Variants in MOXD1 observed in about 807,000 individuals in gnomAD.
The protein encoded by MOXD1 is DBH-like monooxygenase protein 1.
In MOXD1, 62 loss-of-function variants were observed where a neutral mutation model predicts 66.6. The observed-to-expected ratio is 0.93, with a 90% confidence interval of 0.76 to 1.15. The LOEUF (loss-of-function observed/expected upper bound fraction) is 1.15. Ranked by LOEUF, MOXD1 falls within the 50% of genes most tolerant of loss-of-function variation. MOXD1 has a pLI of 0.00. For synonymous variants in MOXD1, 303 were observed against 281.9 expected (o/e 1.07, Z -0.75); for missense variants, 847 against 754.6 (o/e 1.12, Z -1.44).
intron 4 of MOXD1, among the ~76,000 whole-genome samples, chr6:132,339,102 T>C (rs1054771897): frequency 6.6e-6 from 1 of 152,222 alleles, no homozygotes; most frequent in Admixed American, 6.5e-5. Flanking sequence ...TATGTAATCA[T>C]GAAATATATA....
intron 1 of MOXD1, among the ~76,000 whole-genome samples, chr6:132,384,751 A>G (rs919458102): frequency 2.0e-5 from 3 of 152,216 alleles, no homozygotes; most frequent in Non-Finnish European, 2.9e-5. Flanking sequence ...AATAAAAGCC[A>G]GTGGGACTGA....
rs1394434271 is a variant in MOXD1, at chr6:132,320,619, G to T, written c.1365+10C>A. 7 of 1,592,858 alleles carry T rather than the reference G, an allele frequency of 4.4e-6. No individual in the cohort carries two copies. Among genetic ancestry groups the T allele is most frequent in the African/African-American group, 4.1e-5 (3 of 73,928 alleles). On this transcript the variant is annotated intron_variant, in intron 9 of 11. Transcript: ENST00000367963. The stretch of plus-strand genomic sequence containing the variant: ...TAAATGAACTTTAATAATAATAAAA[G>T]TTTTCTTACCCAAGTCATCTCAGCT...
intron 7 of MOXD1, among the ~76,000 whole-genome samples, chr6:132,323,664 A>G (rs1014718582): frequency 4.6e-5 from 7 of 152,180 alleles, no homozygotes; most frequent in Non-Finnish European, 8.8e-5. Context: ...GTAAAAGATG[A>G]TATACAGCAT....
chr6:132,349,381 GTATATATATA>G (rs1288528684), intron 4 of MOXD1, among the ~76,000 whole-genome samples: 1 of 80,552 alleles, frequency 1.2e-5, no homozygotes, highest in Non-Finnish European at 2.4e-5. Context: ...ATATATACAT[GTATATATATA>G]TACACATATA....
intron 8 of MOXD1, among the ~76,000 whole-genome samples, chr6:132,320,975 C>A (rs1373408649): frequency 6.6e-6 from 1 of 152,088 alleles, no homozygotes; most frequent in Non-Finnish European, 1.5e-5. Context: ...AAAAATTGTT[C>A]TTATTTTTGG....
chr6:132,344,512 T>C (rs1775630899), intron 4 of MOXD1, among the ~76,000 whole-genome samples: 1 of 152,126 alleles, frequency 6.6e-6, no homozygotes, highest in African/African-American at 2.4e-5. Flanking sequence ...CTAAAGACAA[T>C]TTAAAGCCTG....
At chr6:132,399,913 A>G (rs763027593) in intron 1 of MOXD1, among the ~76,000 whole-genome samples, 2 of 152,246 alleles carry the variant, frequency 1.3e-5, no homozygotes, top group East Asian at 1.9e-4. Context: ...GAGATGCTGC[A>G]GGAGGAGAAT....
intron 5 of MOXD1, 23 bp downstream of exon 5, chr6:132,328,392 A>C (rs759793102): frequency 1.2e-6 from 2 of 1,611,772 alleles, no homozygotes; most frequent in South Asian, 2.2e-5. Flanking sequence ...ATTGTGTTAC[A>C]TCTCAGTAAT....
chr6:132,298,517 A>C (rs1252540248), intron 10 of MOXD1, among the ~76,000 whole-genome samples: 1 of 152,304 alleles, frequency 6.6e-6, no homozygotes, highest in South Asian at 2.1e-4. Flanking sequence ...CCCATACACT[A>C]TAAAAGCCTG....
chr6:132,381,949 A>T (rs1227142452), intron 1 of MOXD1, among the ~76,000 whole-genome samples: 1 of 152,096 alleles, frequency 6.6e-6, no homozygotes, highest in Non-Finnish European at 1.5e-5. Flanking sequence ...TTATTTAGCA[A>T]ATAGAATCAA....
At chr6:132,382,735 A>G (rs890808355) in intron 1 of MOXD1, among the ~76,000 whole-genome samples, 3 of 152,212 alleles carry the variant, frequency 2.0e-5, no homozygotes, top group African/African-American at 7.2e-5. Flanking sequence ...CTATGTAGCA[A>G]CAATAACAGA....
chr6:132,306,253 A>G (rs1353675528), intron 10 of MOXD1, among the ~76,000 whole-genome samples: 4 of 152,054 alleles, frequency 2.6e-5, no homozygotes, highest in African/African-American at 9.7e-5. Context: ...CAAGCAGAAG[A>G]AAAGATATCA....
intron 4 of MOXD1, among the ~76,000 whole-genome samples, chr6:132,364,257 C>A (rs541096328): frequency 3.9e-5 from 6 of 152,178 alleles, no homozygotes; most frequent in African/African-American, 1.4e-4. Flanking sequence ...GCTATGAAAT[C>A]TAATTCCCAG....
chr6:132,319,566 T>A (rs2114565026), intron 9 of MOXD1, among the ~76,000 whole-genome samples: 1 of 152,164 alleles, frequency 6.6e-6, no homozygotes, highest in South Asian at 2.1e-4. Context: ...TTAGATAGTA[T>A]CAATTTGGAG....
intron 4 of MOXD1, among the ~76,000 whole-genome samples, chr6:132,363,382 C>A (rs1451601409): frequency 6.6e-6 from 1 of 151,996 alleles, no homozygotes; most frequent in Non-Finnish European, 1.5e-5. Context: ...TATACCTCAA[C>A]AAAGCTGTCA....
intron 10 of MOXD1, 89 bp downstream of exon 10, chr6:132,315,546 C>T: frequency 2.1e-6 from 3 of 1,396,304 alleles, no homozygotes; most frequent in Non-Finnish European, 1.9e-6. Context: ...ATAAAAATTT[C>T]TATAATGTGG....
At chr6:132,332,881 C>G (rs532992849) in intron 4 of MOXD1, among the ~76,000 whole-genome samples, 3 of 152,190 alleles carry the variant, frequency 2.0e-5, no homozygotes, top group Non-Finnish European at 4.4e-5. Context: ...CAGAGTGAGG[C>G]ACACACAGAG....
intron 4 of MOXD1, among the ~76,000 whole-genome samples, chr6:132,369,156 C>T (rs900647356): frequency 6.6e-6 from 1 of 151,986 alleles, no homozygotes; most frequent in Non-Finnish European, 1.5e-5. Flanking sequence ...ATCTATATTC[C>T]TGAATCTCTG....
At chr6:132,344,473 C>T (rs942627959) in intron 4 of MOXD1, among the ~76,000 whole-genome samples, 5 of 152,128 alleles carry the variant, frequency 3.3e-5, no homozygotes, top group African/African-American at 7.2e-5. Context: ...CAGATAGGGG[C>T]GGGTCCCTGG....
Sources: gnomAD v4.1 joint callset for allele counts (sites outside exome capture counted in the v4.1 genomes callset) on GRCh38, gnomAD v4.1.1 for gene constraint, MANE v1.5 for transcripts, NCBI Gene and HGNC (gene_info 2026-07-23, HGNC 2026-07-21) for gene names.